Variants in BMPR1B observed in about 807,000 individuals in gnomAD.
The protein encoded by BMPR1B is bone morphogenetic protein receptor type-1B.
In BMPR1B, 12 loss-of-function variants were observed where a neutral mutation model predicts 59.1. The ratio of observed to expected loss-of-function variants is 0.20; its 90% CI spans 0.13 to 0.33. The LOEUF is 0.33. BMPR1B is among the 10% of genes least tolerant of loss of function. The pLI is 1.00. For synonymous variants in BMPR1B, 237 were observed against 207.3 expected (o/e 1.14, Z -1.23); for missense variants, 550 against 610.9 (o/e 0.90, Z 1.05).
At chr4:95,069,119 A>G (rs1269487527) in intron 3 of BMPR1B, among the ~76,000 whole-genome samples, 1 of 152,190 alleles carries the variant, frequency 6.6e-6, no homozygotes. Context: ...CTAAGAATCT[A>G]TCGACACCAT....
At chr4:94,927,581 G>A (rs1261096557) in intron 2 of BMPR1B, among the ~76,000 whole-genome samples, 2 of 152,250 alleles carry the variant, frequency 1.3e-5, no homozygotes, top group Middle Eastern at 3.4e-3. Flanking sequence ...GGCAGAAATA[G>A]CATAGTGATG....
chr4:94,787,817 C>T (rs1344160547), intron 1 of BMPR1B, among the ~76,000 whole-genome samples: 1 of 151,942 alleles, frequency 6.6e-6, no homozygotes, highest in Non-Finnish European at 1.5e-5. Flanking sequence ...TGGTAACCCA[C>T]ACAGTATTTC....
intron 3 of BMPR1B, among the ~76,000 whole-genome samples, chr4:95,101,594 A>G (rs1009584364): frequency 6.6e-6 from 1 of 152,120 alleles, no homozygotes; most frequent in African/African-American, 2.4e-5. Flanking sequence ...CTTTCCCCCC[A>G]CATTTGGCTT....
At chr4:94,934,713 A>G (rs59346137) in intron 2 of BMPR1B, among the ~76,000 whole-genome samples, 22,019 of 152,038 alleles carry the variant, frequency 0.14, 1,893 homozygotes, top group African/African-American at 0.24. Context: ...TTCTGTATCA[A>G]CATGGAATTA....
At chr4:94,775,894 G>A (rs1014162035) in intron 1 of BMPR1B, among the ~76,000 whole-genome samples, 3 of 152,060 alleles carry the variant, frequency 2.0e-5, no homozygotes, top group African/African-American at 4.8e-5. Context: ...GATCGAGAGC[G>A]TCCTGGCTAA....
At chr4:94,984,825 GTCACA>G (rs1223572780) in intron 2 of BMPR1B, among the ~76,000 whole-genome samples, 1 of 152,190 alleles carries the variant, frequency 6.6e-6, no homozygotes, top group Non-Finnish European at 1.5e-5. Flanking sequence ...CGCTACCAGT[GTCACA>G]TTTCTAAGAA....
chr4:94,976,151 G>T (rs1731024989), intron 2 of BMPR1B, among the ~76,000 whole-genome samples: 1 of 152,188 alleles, frequency 6.6e-6, no homozygotes, highest in Non-Finnish European at 1.5e-5. Flanking sequence ...CTGGCCGTGT[G>T]GTCCCTTCAC....
chr4:94,814,832 GA>G (rs1723949130), intron 1 of BMPR1B, among the ~76,000 whole-genome samples: 1 of 152,034 alleles, frequency 6.6e-6, no homozygotes, highest in Non-Finnish European at 1.5e-5. Context: ...GGATTAATAG[GA>G]AACTAAATTT....
At chr4:94,977,577 G>A (rs958576684) in intron 2 of BMPR1B, among the ~76,000 whole-genome samples, 1 of 151,508 alleles carries the variant, frequency 6.6e-6, no homozygotes, top group East Asian at 1.9e-4. Context: ...AAGCAAAAAT[G>A]GCCAGGCACA....
At chr4:94,967,063 T>C (rs1014429720) in intron 2 of BMPR1B, among the ~76,000 whole-genome samples, 6 of 152,196 alleles carry the variant, frequency 3.9e-5, no homozygotes, top group African/African-American at 1.4e-4. Flanking sequence ...AATACTCATA[T>C]GTAGGAAGGA....
At chr4:95,115,613 T>G in intron 5 of BMPR1B, 72 bp from the exon 6 acceptor site, 1 of 1,302,370 alleles carries the variant, frequency 7.7e-7, no homozygotes, top group Non-Finnish European at 1.1e-6. Flanking sequence ...AGTGACTATT[T>G]TTAAAGTTTT....
chr4:95,081,174 C>CT (rs1327393228), intron 3 of BMPR1B, among the ~76,000 whole-genome samples: 3 of 152,238 alleles, frequency 2.0e-5, no homozygotes, highest in Admixed American at 6.5e-5. Context: ...GTTTGCTTCC[C>CT]TTTCCACCTT....
At chr4:95,058,938 T>C (rs1156601692) in intron 3 of BMPR1B, among the ~76,000 whole-genome samples, 1 of 152,136 alleles carries the variant, frequency 6.6e-6, no homozygotes, top group Non-Finnish European at 1.5e-5. Flanking sequence ...TTGGTTAGAG[T>C]TGATATGCTC....
chr4:94,955,397 T>C (rs995872813), intron 2 of BMPR1B, among the ~76,000 whole-genome samples: 2 of 152,140 alleles, frequency 1.3e-5, no homozygotes, highest in Non-Finnish European at 2.9e-5. Context: ...CTAGCAGCAG[T>C]AGGAGTTTAG....
chr4:95,029,076 A>G (rs28613826), intron 3 of BMPR1B, among the ~76,000 whole-genome samples: 1 of 150,774 alleles, frequency 6.6e-6, no homozygotes, highest in African/African-American at 2.4e-5. Flanking sequence ...CTTTTTATTT[A>G]TTTATTTTTT....
At chr4:95,031,601 G>A (rs1384767514) in intron 3 of BMPR1B, among the ~76,000 whole-genome samples, 4 of 152,058 alleles carry the variant, frequency 2.6e-5, no homozygotes, top group African/African-American at 9.7e-5. Flanking sequence ...TGGGACTACA[G>A]GGACACAACA....
intron 2 of BMPR1B, among the ~76,000 whole-genome samples, chr4:94,942,275 T>G (rs1024084064): frequency 1.3e-5 from 2 of 152,232 alleles, no homozygotes; most frequent in Admixed American, 1.3e-4. Flanking sequence ...TTTGGTCTAT[T>G]AAAGTCGAGG....
intron 3 of BMPR1B, among the ~76,000 whole-genome samples, chr4:95,042,232 C>T (rs567205526): frequency 1.4e-4 from 21 of 152,164 alleles, no homozygotes; most frequent in East Asian, 7.7e-4. Flanking sequence ...ATTGTATTAA[C>T]GGTATGTCAT....
chr4:94,840,794 C>G (rs188817924), intron 1 of BMPR1B, among the ~76,000 whole-genome samples: 8 of 148,746 alleles, frequency 5.4e-5, no homozygotes, highest in African/African-American at 2.0e-4. Flanking sequence ...AGCTTTGTTC[C>G]GTTGCTGGTG....
Sources: allele counts gnomAD v4.1 joint callset (sites outside exome capture counted in the v4.1 genomes callset), GRCh38; gene constraint gnomAD v4.1.1; transcripts MANE v1.5; gene names NCBI Gene and HGNC (gene_info 2026-07-23, HGNC 2026-07-21).